The following IMMP2L variants were observed in gnomAD, a reference collection of about 807,000 sequenced individuals.
IMMP2L encodes the protein inner mitochondrial membrane peptidase subunit 2, also known as mitochondrial inner membrane protease subunit 2.
Under a neutral mutation model 19.3 loss-of-function variants are expected in IMMP2L, and 18 were observed. The observed-to-expected ratio is 0.93, with a 90% CI of 0.64 to 1.38. The LOEUF is 1.38. Among genes scored for constraint, IMMP2L ranks in the 40% most tolerant of loss-of-function variants. IMMP2L has a pLI of 0.00. For missense variants in IMMP2L, 233 were observed against 218.2 expected (o/e 1.07, Z -0.43); for synonymous variants, 76 against 73.0 (o/e 1.04, Z -0.21).
chr7:110,933,433 T>G (rs1308107353), intron 4 of IMMP2L, among the ~76,000 whole-genome samples: 1 of 152,198 alleles, frequency 6.6e-6, no homozygotes, highest in Non-Finnish European at 1.5e-5. Context: ...CTCCCTGCTC[T>G]CAGGCACTTC....
rs1790772015 is a variant in IMMP2L at position 111,031,196 on chromosome 7, G to GC, written c.240-67632dup. Among the ~76,000 whole-genome samples the GC allele has an allele frequency of 2.0e-5, 3 of 151,990 alleles. No homozygotes were observed. In the South Asian group the frequency reaches 6.2e-4, roughly 32 times the overall value. On this transcript the variant is annotated intron_variant, in intron 3 of 5. Coordinates refer to ENST00000405709, the MANE Select transcript of IMMP2L (RefSeq NM_032549.4). The stretch of plus-strand genomic sequence containing the variant: ...TTTCTTCGTTCTGTCAGCTGAGAGG[G>GC]CCTAGAAGCAATCACATATCAGTAG...
At chr7:111,532,684 T>C (rs376430451) in intron 1 of IMMP2L, 71 of 152,270 alleles carry the variant, frequency 4.7e-4, no homozygotes, top group African/African-American at 1.7e-3. Context: ...CCAGGGACTA[T>C]TACTACTCTT....
rs373850603 is a variant in IMMP2L, at chr7:111,385,720, C to G, written c.239+101518G>C. The stretch of plus-strand genomic sequence containing the variant: ...AGAAAATGAGCTGCCATAAGAAAAG[C>G]TGATGGAAAAGGAAAAAAATTACAA... On this transcript the variant is annotated intron_variant, in intron 3 of 5. Coordinates refer to ENST00000405709, the MANE Select transcript of IMMP2L (RefSeq NM_032549.4). Among the ~76,000 whole-genome samples the G allele has an allele frequency of 1.5e-4, 23 of 152,180 alleles. 1 individual carries two copies. In the East Asian group the frequency reaches 3.3e-3, roughly 22 times the overall value.
chr7:110,801,627 T>C (rs78685885), intron 5 of IMMP2L, among the ~76,000 whole-genome samples: 3,124 of 152,156 alleles, frequency 0.021, 42 homozygotes, highest in Middle Eastern at 0.051. Flanking sequence ...TGAAATCAAC[T>C]TCACTCTTCA....
At chr7:110,900,607 C>T (rs999908216) in intron 4 of IMMP2L, among the ~76,000 whole-genome samples, 7 of 152,140 alleles carry the variant, frequency 4.6e-5, no homozygotes, top group South Asian at 4.2e-4. Flanking sequence ...AAATAAAATA[C>T]GAACTGCTTA....
chr7:110,796,689 G>T (rs566538136), intron 5 of IMMP2L, among the ~76,000 whole-genome samples: 1 of 152,090 alleles, frequency 6.6e-6, no homozygotes, highest in East Asian at 1.9e-4. Flanking sequence ...GAAGAACTCA[G>T]ATTTCACATA....
At chr7:111,218,712 T>G (rs1812220413) in intron 3 of IMMP2L, among the ~76,000 whole-genome samples, 1 of 152,056 alleles carries the variant, frequency 6.6e-6, no homozygotes, top group Non-Finnish European at 1.5e-5. Flanking sequence ...TTTTTTCTGA[T>G]TAATTATTTC....
intron 3 of IMMP2L, among the ~76,000 whole-genome samples, chr7:111,436,108 G>A (rs1837139772): frequency 6.6e-6 from 1 of 151,778 alleles, no homozygotes; most frequent in Admixed American, 6.6e-5. Flanking sequence ...ATTAGTAAAA[G>A]AGACAACAGA....
intron 5 of IMMP2L, among the ~76,000 whole-genome samples, chr7:110,879,325 T>C (rs1809400451): frequency 1.3e-5 from 2 of 151,656 alleles, no homozygotes; most frequent in Non-Finnish European, 2.9e-5. Flanking sequence ...GAGGCGGAGG[T>C]TGCAGTGAGC....
chr7:111,330,128 G>T (rs892158624), intron 3 of IMMP2L, among the ~76,000 whole-genome samples: 24 of 151,232 alleles, frequency 1.6e-4, no homozygotes, highest in Middle Eastern at 3.4e-3. Flanking sequence ...ATTTTAAAAG[G>T]AAAAAATAAA....
intron 3 of IMMP2L, among the ~76,000 whole-genome samples, chr7:111,034,047 C>T (rs901588195): frequency 3.9e-5 from 6 of 151,906 alleles, no homozygotes; most frequent in East Asian, 1.9e-4. Flanking sequence ...TGGGAAGTGA[C>T]GTGAATGCTT....
rs76403526 is a variant in IMMP2L, at chr7:110,812,510, C to T, written c.408+74083G>A. Among the ~76,000 whole-genome samples the T allele has an allele frequency of 6.6e-5, 10 of 152,138 alleles. No homozygotes were observed. In the East Asian group the frequency reaches 1.9e-3, roughly 30 times the overall value. On this transcript the variant is annotated intron_variant, in intron 5 of 5. Coordinates refer to ENST00000405709, the MANE Select transcript of IMMP2L (RefSeq NM_032549.4). ...ACAGTGTAATCTGAAACAAGTCTCG[C>T]TGCTATCTTCTAGGAGCTGGCATCA...
At chr7:111,034,708 A>G (rs1388463776) in intron 3 of IMMP2L, among the ~76,000 whole-genome samples, 1 of 152,170 alleles carries the variant, frequency 6.6e-6, no homozygotes, top group Admixed American at 6.5e-5. Flanking sequence ...CACAGCAGTT[A>G]GAATAAATTT....
intron 1 of IMMP2L, among the ~76,000 whole-genome samples, chr7:111,559,160 T>G (rs1260286710): frequency 1.3e-5 from 2 of 152,162 alleles, no homozygotes; most frequent in Admixed American, 1.3e-4. Flanking sequence ...TATAATCTAC[T>G]GACAAAACAT....
intron 3 of IMMP2L, among the ~76,000 whole-genome samples, chr7:111,073,019 T>C (rs776669917): frequency 2.6e-5 from 4 of 152,096 alleles, no homozygotes; most frequent in Non-Finnish European, 5.9e-5. Flanking sequence ...TAGGAATAAC[T>C]GGTGAAATTT....
chr7:111,125,817 CTTTTT>C (rs1217257175), intron 3 of IMMP2L, among the ~76,000 whole-genome samples: 3 of 100,136 alleles, frequency 3.0e-5, no homozygotes, highest in African/African-American at 7.9e-5. Flanking sequence ...AGGCCGCTTG[CTTTTT>C]TTTTTTTTTT....
intron 3 of IMMP2L, among the ~76,000 whole-genome samples, chr7:111,138,380 G>C (rs558220039): frequency 3.9e-5 from 6 of 152,136 alleles, no homozygotes; most frequent in Non-Finnish European, 8.8e-5. Context: ...GTCCAATGAC[G>C]TGGCAGCCCT....
At chr7:110,735,240 C>G (rs1194088541) in intron 5 of IMMP2L, among the ~76,000 whole-genome samples, 1 of 152,136 alleles carries the variant, frequency 6.6e-6, no homozygotes, top group Admixed American at 6.5e-5. Context: ...AAATGCACAC[C>G]TTATGCAAAA....
At chr7:111,167,995 G>T (rs1394584593) in intron 3 of IMMP2L, among the ~76,000 whole-genome samples, 2 of 151,764 alleles carry the variant, frequency 1.3e-5, no homozygotes, top group East Asian at 3.9e-4. Flanking sequence ...TTTTACACTT[G>T]AAAGAAACTT....
Sources: gnomAD v4.1 joint callset for allele counts (sites outside exome capture counted in the v4.1 genomes callset) on GRCh38, gnomAD v4.1.1 for gene constraint, MANE v1.5 for transcripts, NCBI Gene and HGNC (gene_info 2026-07-23, HGNC 2026-07-21) for gene names.